The following CRKL variants were observed in gnomAD, a reference collection of about 807,000 sequenced individuals.
CRKL encodes crk-like protein.
Under a neutral mutation model 23.0 loss-of-function variants are expected in CRKL, and 3 were observed. The observed-to-expected ratio is 0.13, with a 90% CI of 0.06 to 0.34. The LOEUF (loss-of-function observed/expected upper bound fraction) is 0.34. Ranked by LOEUF, CRKL falls within the 10% of genes least tolerant of loss-of-function variation. The pLI is 1.00. For synonymous variants in CRKL, 188 were observed against 160.7 expected, an observed-to-expected ratio of 1.17 and a Z score of -1.28; for missense variants, 256 against 394.5, an observed-to-expected ratio of 0.65 and a Z score of 2.97.
chr22:20,924,941 G>A (rs1359305234), intron 1 of CRKL, among the ~76,000 whole-genome samples: 1 of 152,140 alleles, frequency 6.6e-6, no homozygotes, highest in Admixed American at 6.6e-5. Flanking sequence ...TGTAATCCCA[G>A]CACTGTGGGA....
intron 1 of CRKL, among the ~76,000 whole-genome samples, chr22:20,920,888 C>T: frequency 6.6e-6 from 1 of 152,134 alleles, no homozygotes; most frequent in East Asian, 1.9e-4. Context: ...TTTGTTTCTC[C>T]TTCTCTGTGC....
chr22:20,921,078 A>G (rs1267612691), intron 1 of CRKL, among the ~76,000 whole-genome samples: 2 of 152,172 alleles, frequency 1.3e-5, no homozygotes, highest in Admixed American at 6.5e-5. Context: ...TTAGCCTTTT[A>G]TAGAAAGCTA....
At chr22:20,942,803 A>G (rs1921926602) in intron 2 of CRKL, among the ~76,000 whole-genome samples, 1 of 152,038 alleles carries the variant, frequency 6.6e-6, no homozygotes, top group Admixed American at 6.6e-5. Flanking sequence ...TGTATTTTTT[A>G]GTAGAGACAG....
intron 1 of CRKL, among the ~76,000 whole-genome samples, chr22:20,930,407 T>G (rs1921398444): frequency 6.6e-6 from 1 of 152,080 alleles, no homozygotes. Flanking sequence ...TAAGATGGAG[T>G]CTTGCTCTGT....
intron 2 of CRKL, among the ~76,000 whole-genome samples, chr22:20,939,943 C>G (rs1385764280): frequency 6.6e-6 from 1 of 152,006 alleles, no homozygotes; most frequent in Non-Finnish European, 1.5e-5. Context: ...CACCTGCCAA[C>G]CGCGCCTGGC....
intron 2 of CRKL, among the ~76,000 whole-genome samples, chr22:20,948,407 T>A (rs1159141112): frequency 1.3e-5 from 2 of 151,940 alleles, no homozygotes; most frequent in African/African-American, 4.8e-5. Context: ...GCTCTTCCCT[T>A]CGTGCATCCA....
At chr22:20,921,031 C>G (rs1276758570) in intron 1 of CRKL, among the ~76,000 whole-genome samples, 6 of 152,186 alleles carry the variant, frequency 3.9e-5, no homozygotes, top group Admixed American at 2.0e-4. Context: ...ATTGCCACTC[C>G]CAAGCCTGGT....
At chr22:20,918,293 C>A (rs779483682) in intron 1 of CRKL, 48 bp downstream of exon 1, 50 of 1,590,738 alleles carry the variant, frequency 3.1e-5, no homozygotes, top group Non-Finnish European at 4.2e-5. Context: ...AGAACCGGGT[C>A]TGTCGAAGAG....
intron 2 of CRKL, among the ~76,000 whole-genome samples, chr22:20,946,473 G>T (rs1338587073): frequency 6.6e-6 from 1 of 152,178 alleles, no homozygotes; most frequent in African/African-American, 2.4e-5. Flanking sequence ...TGTTTTGACA[G>T]TTCTAATAAT....
intron 1 of CRKL, among the ~76,000 whole-genome samples, chr22:20,919,785 C>T (rs1920970922): frequency 6.6e-6 from 1 of 151,312 alleles, no homozygotes; most frequent in Non-Finnish European, 1.5e-5. Flanking sequence ...AAACTTTAAA[C>T]ATTAAAAGCT....
intron 1 of CRKL, among the ~76,000 whole-genome samples, chr22:20,920,153 A>G (rs1352500894): frequency 6.6e-6 from 1 of 152,198 alleles, no homozygotes; most frequent in Non-Finnish European, 1.5e-5. Flanking sequence ...GCATTCATTA[A>G]GCCATGCATA....
intron 1 of CRKL, among the ~76,000 whole-genome samples, chr22:20,921,716 T>G (rs925199477): frequency 2.0e-5 from 3 of 151,484 alleles, no homozygotes; most frequent in African/African-American, 7.3e-5. Flanking sequence ...TCTTTCTTTT[T>G]TCTTTTTTTT....
intron 1 of CRKL, among the ~76,000 whole-genome samples, chr22:20,928,617 A>C (rs1327866991): frequency 6.6e-6 from 1 of 151,960 alleles, no homozygotes; most frequent in East Asian, 1.9e-4. Context: ...GTTCAAGACC[A>C]GCTTAGACAA....
At position 20,952,795 on chromosome 22, in the gene CRKL, G is replaced by A. The variant is rs1215824287; in HGVS notation, c.*2950G>A. On this transcript the variant is annotated 3_prime_UTR_variant, in exon 3 of 3. Transcript: ENST00000354336. ...CTGGTTAAAAACTTGTGTATCCCGG[G>A]AAGGACCTGCGGTACAGGAGTCAGC... The A allele has an allele frequency of 1.7e-5, 4 of 232,040 alleles. No individual in the cohort carries two copies. Among genetic ancestry groups the A allele is most frequent in the Non-Finnish European group, 3.4e-5 (4 of 117,374 alleles). The allele number at this position is 232,040 out of a possible 1,614,324, so 14.4% of individuals were successfully genotyped here.
chr22:20,919,240 A>T (rs1003527558), intron 1 of CRKL, among the ~76,000 whole-genome samples: 18 of 152,114 alleles, frequency 1.2e-4, no homozygotes, highest in African/African-American at 4.3e-4. Context: ...GAGAAGGTGC[A>T]TTGGCTTCAG....
chr22:20,935,436 A>G (rs1921617819), intron 2 of CRKL, among the ~76,000 whole-genome samples: 1 of 152,192 alleles, frequency 6.6e-6, no homozygotes, highest in African/African-American at 2.4e-5. Flanking sequence ...TTTAAAATAC[A>G]TCAGCCCTTG....
intron 2 of CRKL, among the ~76,000 whole-genome samples, chr22:20,947,187 GT>G (rs1569138537): frequency 5.3e-5 from 8 of 151,360 alleles, no homozygotes; most frequent in African/African-American, 1.9e-4. Context: ...GCAGCATTGA[GT>G]TAATAGTGTT....
chr22:20,945,077 G>T (rs991783962), intron 2 of CRKL, among the ~76,000 whole-genome samples: 2 of 151,004 alleles, frequency 1.3e-5, no homozygotes, highest in Admixed American at 1.3e-4. Flanking sequence ...CACTGCAAGC[G>T]CCACCTCCCG....
chr22:20,933,372 A>G (rs548186697), intron 1 of CRKL, among the ~76,000 whole-genome samples: 3 of 151,032 alleles, frequency 2.0e-5, no homozygotes, highest in African/African-American at 7.3e-5. Context: ...TCCATCTCCA[A>G]AAAAAATGTA....
Sources: gnomAD v4.1 joint callset for allele counts (sites outside exome capture counted in the v4.1 genomes callset) on GRCh38, gnomAD v4.1.1 for gene constraint, MANE v1.5 for transcripts, NCBI Gene and HGNC (gene_info 2026-07-23, HGNC 2026-07-21) for gene names.